The following RRP12 variants were observed in gnomAD, a reference collection of about 807,000 sequenced individuals.
RRP12 encodes ribosomal RNA processing 12 homolog.
Under a neutral mutation model 157.3 loss-of-function variants are expected in RRP12, and 78 were observed. The ratio of observed to expected loss-of-function variants is 0.50; its 90% CI spans 0.41 to 0.60. The LOEUF (loss-of-function observed/expected upper bound fraction) is 0.60, where lower values mean the gene tolerates loss of function less well. RRP12 is among the 20% of genes least tolerant of loss of function. The pLI is 0.00. For missense variants in RRP12, 1,521 were observed against 1,679.9 expected, an observed-to-expected ratio of 0.91 and a Z score of 1.65; for synonymous variants, 726 against 670.9, an observed-to-expected ratio of 1.08 and a Z score of -1.27.
Position 97,373,965 on chromosome 10 carries a change from A to T in RRP12, c.1799-71T>A, listed in dbSNP as rs529890482. On this transcript the variant is annotated intron_variant, in intron 15 of 33. Transcript: ENST00000370992. The stretch of plus-strand genomic sequence containing the variant: ...GCCAACAGCCTTATTTACCAAACCA[A>T]ACCAAAAGCCCAATGATGAGGACAG... 28 of 1,330,786 alleles carry T rather than the reference A, an allele frequency of 2.1e-5. No homozygotes were observed. In the Admixed American group the frequency reaches 2.7e-4, roughly 13 times the overall value. The allele number at this position is 1,330,786 out of a possible 1,614,324, so 82.4% of individuals were successfully genotyped here.
chr10:97,387,031 T>C (rs1313146998), intron 8 of RRP12, among the ~76,000 whole-genome samples: 1 of 150,930 alleles, frequency 6.6e-6, no homozygotes, highest in Admixed American at 6.6e-5. Context: ...TTGGCGGGGG[T>C]ATCTGTGGGG....
chr10:97,384,166 A>AGCACCCCCAACCTCAGCAACCATGACG (rs1844548929), intron 10 of RRP12, among the ~76,000 whole-genome samples: 1 of 76,322 alleles, frequency 1.3e-5, no homozygotes, highest in Admixed American at 1.3e-4. Context: ...CAGCCAGGCC[A>AGCACCCCCAACCTCAGCAACCATGACG]GAGGCCCTGA....
rs367830507 is a variant in RRP12, at chr10:97,381,835, A to G, written c.1209-9T>C. Reference sequence around the variant, plus strand: ...CCAGGTCCCACTGCAACCTGTCAAGACAAAAGGTTTCTGTGGGGCCTGGCC... The same window carrying G: ...CCAGGTCCCACTGCAACCTGTCAAGGCAAAAGGTTTCTGTGGGGCCTGGCC... On this transcript the variant is annotated splice_polypyrimidine_tract_variant and intron_variant, in intron 10 of 33. Transcript: ENST00000370992. 1.3e-4 allele frequency: 211 copies of G among 1,609,988 alleles called. No individual in the cohort carries two copies. Among genetic ancestry groups the G allele is most frequent in the Non-Finnish European group, 1.6e-4 (192 of 1,176,542 alleles).
chr10:97,381,872 G>A (rs1325805629), intron 10 of RRP12, 46 bp from the exon 11 acceptor site: 6 of 1,440,464 alleles, frequency 4.2e-6, no homozygotes, highest in African/African-American at 1.4e-5. Context: ...GAGCCCTGGG[G>A]ACCCGGGCAA....
At chr10:97,390,612 C>T (rs1043551505) in intron 5 of RRP12, 73 bp from the exon 6 acceptor site, 10 of 1,398,460 alleles carry the variant, frequency 7.2e-6, no homozygotes, top group Non-Finnish European at 1.0e-5. Flanking sequence ...TTCTCACTGA[C>T]TCCAGAAAAT....
chr10:97,385,373 G>T, intron 9 of RRP12, 116 bp from the exon 10 acceptor site: 3 of 784,346 alleles, frequency 3.8e-6, no homozygotes, highest in Non-Finnish European at 6.4e-6. Flanking sequence ...TGTGACCCTA[G>T]CACTCACAGC....
chr10:97,358,677 C>A (rs1843771826), intron 32 of RRP12, 58 bp from the exon 33 acceptor site: 15 of 1,333,988 alleles, frequency 1.1e-5, no homozygotes, highest in Non-Finnish European at 1.6e-5. Context: ...TCTGTCCCTG[C>A]CCTAGACTTG....
rs1474093670 is a variant in RRP12 at position 97,373,431 on chromosome 10, G to A, written c.2026+144C>T. ...CAGGGAGCCAGCAAAGTTATCCCCT[G>A]GGGTCTGCAGCAGAAGCAGCAAAGG... On this transcript the variant is annotated intron_variant, in intron 17 of 33. Coordinates refer to ENST00000370992, the MANE Select transcript of RRP12 (RefSeq NM_015179.4). The A allele has an allele frequency of 1.5e-5, 16 of 1,059,604 alleles. No homozygotes were observed. The Admixed American group carries it at 3.2e-4, about 21-fold the overall frequency. 65.6% of individuals were successfully genotyped at this position (1,059,604 alleles called of 1,614,324 possible). A position where few individuals can be genotyped will look rare whatever the true frequency, so the allele number is the denominator to read the frequency against.
At chr10:97,367,165 C>G in intron 25 of RRP12, 33 bp from the exon 26 acceptor site, 1 of 1,589,082 alleles carries the variant, frequency 6.3e-7, no homozygotes, top group South Asian at 1.1e-5. Flanking sequence ...TTCAGGGAGG[C>G]GAGCCTTCCA....
rs147583725 is a variant in RRP12 at position 97,385,945 on chromosome 10, T to A, written c.1066A>T (p.Arg356Trp). 6.2e-7 allele frequency: 1 copy of A among 1,607,138 alleles called. No homozygotes were observed. Among genetic ancestry groups the A allele is most frequent in the Non-Finnish European group, 8.5e-7 (1 of 1,177,026 alleles). ...GCTGACAGGGTGCTCAGGCCAGGCC[T>A]GGCGTGGAAGAGGCTGTGAAAGGCC... Reference protein sequence around the residue: ...MQAFHSLFHARPGLSTLSAEL... With the variant: ...MQAFHSLFHAWPGLSTLSAEL... The change falls in exon 9 of 34, where the codon AGG becomes TGG. Residue 356 changes from arginine (R) to tryptophan (W), a missense_variant. Coordinates refer to ENST00000370992, the MANE Select transcript of RRP12 (RefSeq NM_015179.4).
At chr10:97,383,191 A>G (rs6584127) in intron 10 of RRP12, among the ~76,000 whole-genome samples, 2 of 151,966 alleles carry the variant, frequency 1.3e-5, no homozygotes, top group African/African-American at 2.4e-5. Flanking sequence ...GGGACGCACA[A>G]TGGGGCCTAA....
At chr10:97,365,490 G>C (rs1262342931) in intron 29 of RRP12, among the ~76,000 whole-genome samples, 1 of 152,050 alleles carries the variant, frequency 6.6e-6, no homozygotes, top group Non-Finnish European at 1.5e-5. Context: ...AGCCAGAATG[G>C]TCTTGATCTC....
At chr10:97,388,204 GC>G in intron 8 of RRP12, 47 bp downstream of exon 8, 1 of 1,610,846 alleles carries the variant, frequency 6.2e-7, no homozygotes, top group Non-Finnish European at 8.5e-7. Flanking sequence ...TTCCCCAAAT[GC>G]CACCACTGCA....
intron 31 of RRP12, 66 bp from the exon 32 acceptor site, chr10:97,359,076 G>A (rs1353430748): frequency 7.9e-7 from 1 of 1,257,898 alleles, no homozygotes; most frequent in Admixed American, 1.8e-5. Flanking sequence ...AAAGGCAATG[G>A]GCACCCTCTC....
At chr10:97,371,632 A>G in intron 20 of RRP12, 1 of 188,512 alleles carries the variant, frequency 5.3e-6, no homozygotes, top group South Asian at 1.1e-4. Context: ...TGAGATCTGC[A>G]GGGTTGCTGG....
chr10:97,365,970 T>C (rs1196131076), intron 29 of RRP12, 138 bp downstream of exon 29: 3 of 1,139,888 alleles, frequency 2.6e-6, no homozygotes, highest in Admixed American at 2.2e-5. Flanking sequence ...CAAAAAAAGT[T>C]TGAGAAACTC....
In RRP12 at chr10:97,362,958, C is replaced by A. The variant is rs569855053; in HGVS notation, c.3567+896G>T. On this transcript the variant is annotated intron_variant, in intron 30 of 33. Transcript: ENST00000370992. ...AGGCACTATGCTAATGCACTTTACA[C>A]GCCCAATCTTACCAAACTGTCCCAA... Among the ~76,000 whole-genome samples, 102 of 152,306 alleles carry A rather than the reference C, an allele frequency of 6.7e-4. 2 individuals carry two copies. Among genetic ancestry groups the A allele is most frequent in the African/African-American group, 2.4e-3 (98 of 41,568 alleles).
intron 25 of RRP12, 172 bp from the exon 26 acceptor site, chr10:97,367,304 G>GC: frequency 1.6e-6 from 1 of 617,738 alleles, no homozygotes; most frequent in Non-Finnish European, 2.9e-6. Context: ...GGGTGGGCAG[G>GC]CCCCATCTTT....
rs755835836 is a variant in RRP12, at chr10:97,375,393, T to C, written c.1799-1499A>G. ...TGTTGGGATTACAGGCGTAAGCTGC[T>C]GCATCTGGCCAAAAGTAGGGCTTTA... is the stretch of plus-strand genomic sequence containing the variant. On this transcript the variant is annotated intron_variant, in intron 15 of 33. Transcript: ENST00000370992. 8.5e-4 allele frequency among the ~76,000 whole-genome samples: 130 copies of C among 152,138 alleles called. 3 individuals carry two copies. The highest frequency in any genetic ancestry group is 7.3e-4 in the Non-Finnish European group (50 of 68,040).
Sources: allele counts gnomAD v4.1 joint callset (sites outside exome capture counted in the v4.1 genomes callset), GRCh38; gene constraint gnomAD v4.1.1; transcripts MANE v1.5; gene names NCBI Gene and HGNC (gene_info 2026-07-23, HGNC 2026-07-21).